The following FBXO34 variants were observed in gnomAD, a reference collection of about 807,000 sequenced individuals.
FBXO34 encodes the protein F-box only protein 34.
A neutral mutation model predicts 24.5 loss-of-function variants in FBXO34; 12 were observed. The observed-to-expected ratio is 0.49, with a 90% CI of 0.31 to 0.79. The LOEUF (loss-of-function observed/expected upper bound fraction) is 0.79. Ranked by LOEUF, FBXO34 falls within the 30% of genes least tolerant of loss-of-function variation. The pLI is 0.04. For missense variants in FBXO34, 823 were observed against 857.7 expected, an observed-to-expected ratio of 0.96 and a Z score of 0.51; for synonymous variants, 320 against 311.9, an observed-to-expected ratio of 1.03 and a Z score of -0.27.
chr14:55,400,954 AAAAT>A, the FBXO34 span, among the ~76,000 whole-genome samples: 1 of 140,880 alleles, frequency 7.1e-6, no homozygotes, highest in Admixed American at 7.1e-5. Context: ...AAAATAAAAT[AAAAT>A]AAACTGCTTA....
the FBXO34 span, among the ~76,000 whole-genome samples, chr14:55,411,147 G>C: frequency 6.6e-5 from 10 of 152,200 alleles, no homozygotes; most frequent in Non-Finnish European, 1.5e-4. Flanking sequence ...ATCTGTGACA[G>C]ACTACCAGGC....
the FBXO34 span, among the ~76,000 whole-genome samples, chr14:55,399,244 C>T: frequency 6.6e-6 from 1 of 152,082 alleles, no homozygotes; most frequent in African/African-American, 2.4e-5. Context: ...GAATTATATA[C>T]TTATAATGTG....
chr14:55,411,944 C>T, the FBXO34 span: 34 of 884,598 alleles, frequency 3.8e-5, no homozygotes, highest in Non-Finnish European at 5.4e-5. Flanking sequence ...ACCCCTCCGC[C>T]GCCGCGTGTT....
downstream of FBXO34, among the ~76,000 whole-genome samples, chr14:55,372,163 G>A (rs1209748128): frequency 2.0e-5 from 3 of 152,018 alleles, no homozygotes; most frequent in Non-Finnish European, 4.4e-5. Context: ...AACTTTAGCT[G>A]GCTGGGACTC....
intron 1 of FBXO34, among the ~76,000 whole-genome samples, chr14:55,336,942 TTTGG>T (rs775575681): frequency 1.3e-5 from 2 of 151,524 alleles, no homozygotes; most frequent in Admixed American, 1.3e-4. Flanking sequence ...ATGTGGTGTG[TTTGG>T]TTGGTAGGTC....
downstream of FBXO34, among the ~76,000 whole-genome samples, chr14:55,356,457 GTTTGT>G (rs1217287423): frequency 6.6e-6 from 1 of 152,030 alleles, no homozygotes; most frequent in Admixed American, 6.6e-5. Flanking sequence ...GGGTTGGTTT[GTTTGT>G]TTTGAGATGG....
chr14:55,355,211 G>A (rs890459062), downstream of FBXO34: 2 of 152,362 alleles, frequency 1.3e-5, no homozygotes, highest in African/African-American at 4.8e-5. Context: ...TGAAAGCTAA[G>A]GAGGGGCTCA....
intron 1 of FBXO34, among the ~76,000 whole-genome samples, chr14:55,308,801 A>T (rs1295714366): frequency 1.3e-5 from 2 of 152,204 alleles, no homozygotes; most frequent in African/African-American, 4.8e-5. Flanking sequence ...GAGAATGATT[A>T]TGGTTTAAAA....
At chr14:55,386,314 C>G in the FBXO34 span, among the ~76,000 whole-genome samples, 1 of 152,168 alleles carries the variant, frequency 6.6e-6, no homozygotes, top group Non-Finnish European at 1.5e-5. Flanking sequence ...CTCTGGATCT[C>G]TATTTGTAAT....
chr14:55,358,397 G>A (rs1040075715), downstream of FBXO34, among the ~76,000 whole-genome samples: 1 of 151,896 alleles, frequency 6.6e-6, no homozygotes, highest in East Asian at 1.9e-4. Context: ...GTATTTGCAG[G>A]GCCCATGGCA....
downstream of FBXO34, among the ~76,000 whole-genome samples, chr14:55,370,642 TTTC>T (rs1027412733): frequency 1.3e-5 from 2 of 151,852 alleles, no homozygotes; most frequent in African/African-American, 4.8e-5. Context: ...CCTTTCTGCA[TTTC>T]TTTTTTTTTT....
downstream of FBXO34, chr14:55,369,674 G>C (rs968587724): frequency 6.3e-7 from 1 of 1,579,984 alleles, no homozygotes. Context: ...TGCTGCAGAG[G>C]AGATCATCCC....
At chr14:55,377,565 G>C in the FBXO34 span, among the ~76,000 whole-genome samples, 15 of 152,202 alleles carry the variant, frequency 9.9e-5, no homozygotes, top group East Asian at 2.9e-3. Context: ...ACTACTCCAG[G>C]AACATGTGGG....
chr14:55,370,619 C>G (rs540318914), downstream of FBXO34, among the ~76,000 whole-genome samples: 14 of 151,934 alleles, frequency 9.2e-5, no homozygotes, highest in African/African-American at 3.1e-4. Flanking sequence ...ACCGAGTCAG[C>G]AAACCTCAGA....
At chr14:55,411,762 G>GCCGGGGCCCGCAGCCAGGAGCCT in the FBXO34 span, 1 of 1,606,134 alleles carries the variant, frequency 6.2e-7, no homozygotes, top group Non-Finnish European at 8.5e-7. Context: ...CGGGCGAGCG[G>GCCGGGGCCCGCAGCCAGGAGCCT]CCGGGGCCCG....
At chr14:55,349,607 CTTTTTT>C (rs57284715) in intron 1 of FBXO34, among the ~76,000 whole-genome samples, 4 of 116,636 alleles carry the variant, frequency 3.4e-5, no homozygotes, top group African/African-American at 9.7e-5. Flanking sequence ...CAATAATTTT[CTTTTTT>C]TTTTTTTTTT....
At chr14:55,388,024 C>A in the FBXO34 span, among the ~76,000 whole-genome samples, 420 of 152,148 alleles carry the variant, frequency 2.8e-3, 4 homozygotes, top group African/African-American at 9.8e-3. Context: ...GTAATCCCAG[C>A]TACTTGGGAG....
chr14:55,411,513 C>A, the FBXO34 span: 1 of 1,309,668 alleles, frequency 7.6e-7, no homozygotes, highest in South Asian at 1.4e-5. Flanking sequence ...ATCTGGTGCC[C>A]GGACGGGGAG....
chr14:55,353,042 T>C lies in FBXO34; in HGVS notation c.*516T>C, dbSNP rs568411703. The C allele has an allele frequency of 5.8e-6, 1 of 170,968 alleles. No homozygotes were observed. The highest frequency in any genetic ancestry group is 2.0e-4 in the South Asian group (1 of 5,070). The allele number at this position is 170,968 out of a possible 1,614,324, so 10.6% of individuals were successfully genotyped here. Reference sequence around the variant, plus strand: ...CGTATGCTTGATCCTGTGAGATTGATGTTTGTGGCTGGAGGTGGATTTCAT... The same window carrying C: ...CGTATGCTTGATCCTGTGAGATTGACGTTTGTGGCTGGAGGTGGATTTCAT... On this transcript the variant is annotated 3_prime_UTR_variant, in exon 2 of 2. Coordinates refer to ENST00000313833, the MANE Select transcript of FBXO34 (RefSeq NM_017943.4).
Sources: allele counts gnomAD v4.1 joint callset (sites outside exome capture counted in the v4.1 genomes callset), GRCh38; gene constraint gnomAD v4.1.1; transcripts MANE v1.5; gene names NCBI Gene and HGNC (gene_info 2026-07-23, HGNC 2026-07-21).